Variants in CCDC144A observed in about 807,000 individuals in gnomAD.
The protein encoded by CCDC144A is coiled-coil domain containing 144A, also known as coiled-coil domain-containing protein 144A.
Under a neutral mutation model 143.8 loss-of-function variants are expected in CCDC144A, and 41 were observed. The ratio of observed to expected loss-of-function variants is 0.29; its 90% confidence interval spans 0.22 to 0.37. The LOEUF (loss-of-function observed/expected upper bound fraction) is 0.37. CCDC144A is among the 10% of genes least tolerant of loss of function. The pLI is 1.00. For synonymous variants in CCDC144A, 242 were observed against 517.9 expected (o/e 0.47, Z 7.23); for missense variants, 637 against 1,488.8 (o/e 0.43, Z 9.41).
rs375253790 is a variant in CCDC144A at position 16,709,183 on chromosome 17, T to C, written c.1126T>C (p.Tyr376His). The change falls in exon 5 of 17, where the codon TAC becomes CAC. Residue 376 changes from tyrosine to histidine, a missense_variant. Coordinates refer to ENST00000399273, the MANE Select transcript of CCDC144A (RefSeq NM_001382000.1). The stretch of plus-strand genomic sequence containing the variant: ...CAGTCTCAAAAATATCATCCATCCA[T>C]ACTATCATCCATACTCTGGGTCCCA... ...EPSLKNIIHPYYHPYSGSQEH... is the reference protein window; with the variant it reads ...EPSLKNIIHPHYHPYSGSQEH... 5 of 1,611,642 alleles carry C rather than the reference T, an allele frequency of 3.1e-6. No individual in the cohort carries two copies. In the African/African-American group the frequency reaches 6.7e-5, roughly 22 times the overall value.
At chr17:16,770,496 G>A (rs1915785376) in intron 15 of CCDC144A, among the ~76,000 whole-genome samples, 2 of 152,020 alleles carry the variant, frequency 1.3e-5, no homozygotes, top group Non-Finnish European at 2.9e-5. Context: ...ATGAAGGAAG[G>A]TGCTGGCATA....
the CCDC144A span, among the ~76,000 whole-genome samples, chr17:16,669,446 C>G: frequency 6.6e-6 from 1 of 152,212 alleles, no homozygotes; most frequent in Non-Finnish European, 1.5e-5. Flanking sequence ...GTGTACTTGT[C>G]TAACGGCAAG....
chr17:16,697,671 C>T (rs1667132856), intron 2 of CCDC144A, among the ~76,000 whole-genome samples: 1 of 150,744 alleles, frequency 6.6e-6, no homozygotes, highest in Admixed American at 6.6e-5. Flanking sequence ...TTTACTTAAA[C>T]TTTTTTTTTC....
chr17:16,744,838 G>A (rs947236764), intron 12 of CCDC144A, among the ~76,000 whole-genome samples: 1 of 151,870 alleles, frequency 6.6e-6, no homozygotes, highest in African/African-American at 2.4e-5. Context: ...ACTACAGAAT[G>A]CACGGTTTCA....
At chr17:16,771,107 T>TA (rs1021103016) in intron 15 of CCDC144A, among the ~76,000 whole-genome samples, 23 of 151,954 alleles carry the variant, frequency 1.5e-4, no homozygotes, top group East Asian at 5.8e-4. Context: ...ATACCTATTC[T>TA]AAAAAAAAAT....
At chr17:16,701,010 T>C (rs541088380) in intron 2 of CCDC144A, among the ~76,000 whole-genome samples, 1 of 152,348 alleles carries the variant, frequency 6.6e-6, no homozygotes, top group Non-Finnish European at 1.5e-5. Flanking sequence ...TGAATTTTTT[T>C]TGCCTAAGTA....
the CCDC144A span, among the ~76,000 whole-genome samples, chr17:16,672,373 A>G: frequency 6.6e-6 from 1 of 152,036 alleles, no homozygotes; most frequent in Admixed American, 6.6e-5. Context: ...TGAACCTGGG[A>G]GGTGGAGGTT....
upstream of CCDC144A, among the ~76,000 whole-genome samples, chr17:16,688,682 G>A (rs1910879555): frequency 1.3e-5 from 2 of 151,438 alleles, no homozygotes; most frequent in Admixed American, 6.6e-5. Context: ...AGAGAACAAG[G>A]GGTCACCATG....
chr17:16,729,991 T>TATACACACAC (rs1491438660), intron 9 of CCDC144A, among the ~76,000 whole-genome samples: 9 of 114,776 alleles, frequency 7.8e-5, no homozygotes, highest in Non-Finnish European at 1.3e-4. Flanking sequence ...TATATATATA[T>TATACACACAC]ACACACATAC....
At chr17:16,673,020 G>A in the CCDC144A span, among the ~76,000 whole-genome samples, 6 of 152,146 alleles carry the variant, frequency 3.9e-5, no homozygotes, top group African/African-American at 1.4e-4. Context: ...AATTATTCTA[G>A]TTTTAAATTT....
intron 15 of CCDC144A, among the ~76,000 whole-genome samples, chr17:16,770,144 A>G (rs1474807110): frequency 6.9e-6 from 1 of 145,660 alleles, no homozygotes; most frequent in Non-Finnish European, 1.5e-5. Flanking sequence ...TTATTTTTTT[A>G]TTTTTATTAT....
the CCDC144A span, among the ~76,000 whole-genome samples, chr17:16,682,334 A>T: frequency 2.0e-5 from 3 of 151,948 alleles, no homozygotes; most frequent in African/African-American, 4.8e-5. Context: ...AAACTATAAA[A>T]TGGGAGTTGC....
intron 3 of CCDC144A, chr17:16,705,638 G>T: frequency 2.1e-6 from 1 of 480,252 alleles, no homozygotes; most frequent in South Asian, 2.1e-5. Context: ...ATTATATTTA[G>T]AATATAGGGA....
intron 8 of CCDC144A, among the ~76,000 whole-genome samples, chr17:16,722,015 C>T (rs1409999748): frequency 6.6e-6 from 1 of 152,084 alleles, no homozygotes; most frequent in African/African-American, 2.4e-5. Context: ...CTGTATTGTT[C>T]CCGATCTTAC....
At chr17:16,768,180 A>G (rs1915686774) in intron 15 of CCDC144A, among the ~76,000 whole-genome samples, 4 of 152,270 alleles carry the variant, frequency 2.6e-5, no homozygotes, top group Admixed American at 2.6e-4. Flanking sequence ...AAATGGGTCC[A>G]GGTGCTGGGG....
intron 2 of CCDC144A, among the ~76,000 whole-genome samples, chr17:16,704,281 C>T (rs1435170410): frequency 2.0e-5 from 3 of 151,946 alleles, no homozygotes; most frequent in Non-Finnish European, 2.9e-5. Flanking sequence ...GGTGAAACCC[C>T]GTCTCTACTA....
At chr17:16,688,813 C>T (rs1472203615), upstream of CCDC144A, among the ~76,000 whole-genome samples, 2 of 152,008 alleles carry the variant, frequency 1.3e-5, no homozygotes, top group Non-Finnish European at 2.9e-5. Context: ...ATGATTGCTT[C>T]CTTACGCCTT....
intron 1 of CCDC144A, 65 bp downstream of exon 1, chr17:16,690,809 C>A: frequency 6.6e-7 from 1 of 1,504,778 alleles, no homozygotes; most frequent in Non-Finnish European, 8.9e-7. Context: ...CCCGCAGGCC[C>A]CACGGCACCC....
Position 16,748,393 on chromosome 17 carries a change from T to C in CCDC144A, c.3372+12750T>C, listed in dbSNP as rs533924605. ...CATTCTGTTTATGTGGTGAAACACA[T>C]TTATTGATTTGTGTACTTTGAACCA... is the stretch of plus-strand genomic sequence containing the variant. On this transcript the variant is annotated intron_variant, in intron 12 of 16. Transcript: ENST00000399273. 2.9e-3 allele frequency among the ~76,000 whole-genome samples: 446 copies of C among 152,358 alleles called. 2 individuals are homozygous for C. Among genetic ancestry groups the C allele is most frequent in the African/African-American group, 0.01 (426 of 41,590 alleles).
Sources: allele counts gnomAD v4.1 joint callset (sites outside exome capture counted in the v4.1 genomes callset), GRCh38; gene constraint gnomAD v4.1.1; transcripts MANE v1.5; gene names NCBI Gene and HGNC (gene_info 2026-07-23, HGNC 2026-07-21).